COBL: variants seen among roughly 807,000 people sequenced by gnomAD.
The protein encoded by COBL is cordon-bleu WH2 repeat protein.
Under a neutral mutation model 98.8 loss-of-function variants are expected in COBL, and 51 were observed. The observed-to-expected ratio is 0.52, with a 90% confidence interval of 0.41 to 0.65. The LOEUF is 0.65. COBL is among the 30% of genes least tolerant of loss of function. The probability of loss-of-function intolerance (pLI) is 0.00; values close to 1 mark genes in which losing one functional copy is unlikely to be tolerated. For synonymous variants in COBL, 634 were observed against 651.7 expected, an observed-to-expected ratio of 0.97 and a Z score of 0.41; for missense variants, 1,617 against 1,617.5, an observed-to-expected ratio of 1.00 and a Z score of 0.01.
intron 6 of COBL, among the ~76,000 whole-genome samples, chr7:51,124,847 G>A (rs1798060300): frequency 6.6e-6 from 1 of 151,794 alleles, no homozygotes; most frequent in Non-Finnish European, 1.5e-5. Flanking sequence ...CTTTGACAGA[G>A]TCTCACTCTA....
chr7:51,132,047 T>C (rs1195263021), intron 6 of COBL, among the ~76,000 whole-genome samples: 2 of 152,240 alleles, frequency 1.3e-5, no homozygotes, highest in African/African-American at 4.8e-5. Context: ...CTGGTATTGT[T>C]TAACAGAATG....
chr7:51,256,120 A>G (rs966414639), intron 1 of COBL, among the ~76,000 whole-genome samples: 4 of 152,152 alleles, frequency 2.6e-5, no homozygotes, highest in Admixed American at 2.0e-4. Context: ...CTGTCGTAGC[A>G]GCTGCACTAT....
chr7:51,274,041 G>T (rs1799046715), intron 1 of COBL, among the ~76,000 whole-genome samples: 1 of 152,018 alleles, frequency 6.6e-6, no homozygotes, highest in Non-Finnish European at 1.5e-5. Flanking sequence ...TAGACCACAG[G>T]ACATCGTAGC....
chr7:51,234,135 T>A (rs1429257649), intron 1 of COBL, among the ~76,000 whole-genome samples: 1 of 152,208 alleles, frequency 6.6e-6, no homozygotes, highest in Non-Finnish European at 1.5e-5. Context: ...AGCTAAGTGT[T>A]GGGTACCTTT....
At chr7:51,292,955 T>C (rs1402354164) in intron 1 of COBL, among the ~76,000 whole-genome samples, 2 of 152,174 alleles carry the variant, frequency 1.3e-5, no homozygotes, top group African/African-American at 2.4e-5. Flanking sequence ...AATGACAGAA[T>C]TGAAGGAATA....
intron 6 of COBL, among the ~76,000 whole-genome samples, chr7:51,097,382 C>T (rs931432316): frequency 2.6e-5 from 4 of 151,976 alleles, no homozygotes; most frequent in African/African-American, 9.7e-5. Flanking sequence ...CTCTTTAAGA[C>T]GAGGAAGAAG....
rs1315235226 is a variant in COBL, at chr7:51,028,536, C to T, written c.2560G>A (p.Val854Ile). ...VRVPAAHTTE[V>I]TFLKPQRRTS... ...CTTCTCTGAGGCTTGAGAAATGTGACTTCTGTGGTGTGAGCTGCTGGCACC... is the reference window on the plus strand; with the variant it reads ...CTTCTCTGAGGCTTGAGAAATGTGATTTCTGTGGTGTGAGCTGCTGGCACC... Residue 854 changes from valine (V) to isoleucine (I), a missense_variant, in exon 10 of 13, where the codon GTC becomes ATC. Transcript: ENST00000265136. 8 of 1,614,168 alleles carry T rather than the reference C, an allele frequency of 5.0e-6. No homozygotes were observed. The highest frequency in any genetic ancestry group is 1.6e-4 in the Middle Eastern group (1 of 6,084).
intron 7 of COBL, among the ~76,000 whole-genome samples, chr7:51,054,762 G>A (rs557291444): frequency 6.6e-6 from 1 of 152,306 alleles, no homozygotes; most frequent in Non-Finnish European, 1.5e-5. Flanking sequence ...GCTTGGCTAC[G>A]CATTTACAAT....
chr7:51,306,690 G>A (rs369239663), intron 1 of COBL, among the ~76,000 whole-genome samples: 7 of 152,204 alleles, frequency 4.6e-5, no homozygotes, highest in East Asian at 1.9e-4. Flanking sequence ...CACACACCAC[G>A]TATTTCTTTG....
At chr7:51,286,615 T>C (rs1800393805) in intron 1 of COBL, among the ~76,000 whole-genome samples, 1 of 152,098 alleles carries the variant, frequency 6.6e-6, no homozygotes, top group African/African-American at 2.4e-5. Flanking sequence ...AAATAACAGA[T>C]GTTGGTGAGA....
At chr7:51,244,853 C>T (rs1393982759) in intron 1 of COBL, among the ~76,000 whole-genome samples, 2 of 152,210 alleles carry the variant, frequency 1.3e-5, no homozygotes, top group Non-Finnish European at 2.9e-5. Context: ...CCTCTGTCTG[C>T]AGAGACCCCA....
At chr7:51,141,531 T>A (rs1799747455) in intron 5 of COBL, among the ~76,000 whole-genome samples, 1 of 152,046 alleles carries the variant, frequency 6.6e-6, no homozygotes, top group Non-Finnish European at 1.5e-5. Flanking sequence ...AGCTCCCTAG[T>A]GATAGAATAA....
rs180680169 is a variant in COBL at position 51,303,352 on chromosome 7, G to A, written c.41+13241C>T. Among the ~76,000 whole-genome samples, 926 of 152,258 alleles carry A rather than the reference G, an allele frequency of 6.1e-3. 15 individuals carry two copies. Among genetic ancestry groups the A allele is most frequent in the African/African-American group, 0.021 (873 of 41,540 alleles). On this transcript the variant is annotated intron_variant, in intron 1 of 12. Transcript: ENST00000265136. ...AAGGCGGCCAGATTGCCTGACTCAG[G>A]AGCTCAAGACCAGCAAAACCCATCT...
rs756402169 is a variant in COBL, at chr7:51,171,523, G to T, written c.783+12579C>A. Among the ~76,000 whole-genome samples the T allele has an allele frequency of 5.6e-4, 85 of 152,180 alleles. 2 individuals are homozygous for T. Among genetic ancestry groups the T allele is most frequent in the Non-Finnish European group, 1.2e-4 (8 of 67,984 alleles). Reference sequence around the variant, plus strand: ...GAACCTTTTCTTATCAGTAAATCACGTTCAAACACAATGGATACATGAAAT... The same window carrying T: ...GAACCTTTTCTTATCAGTAAATCACTTTCAAACACAATGGATACATGAAAT... On this transcript the variant is annotated intron_variant, in intron 5 of 12. Coordinates refer to ENST00000265136, the MANE Select transcript of COBL (RefSeq NM_015198.5).
chr7:51,083,143 G>A (rs1394482888), intron 7 of COBL: 3 of 1,508,250 alleles, frequency 2.0e-6, no homozygotes, highest in Non-Finnish European at 2.7e-6. Context: ...CGGGAGGAGG[G>A]TAGGGCGGGG....
At chr7:51,300,455 C>G (rs1002846918) in intron 1 of COBL, among the ~76,000 whole-genome samples, 1 of 152,170 alleles carries the variant, frequency 6.6e-6, no homozygotes, top group Non-Finnish European at 1.5e-5. Context: ...GCCACCATAC[C>G]TGGCCGAAAC....
intron 1 of COBL, among the ~76,000 whole-genome samples, chr7:51,225,179 T>C (rs1458324200): frequency 1.3e-5 from 2 of 152,206 alleles, no homozygotes; most frequent in Non-Finnish European, 2.9e-5. Context: ...CCTCTGCCTG[T>C]GAGTGGCTCA....
intron 6 of COBL, among the ~76,000 whole-genome samples, chr7:51,123,409 G>A (rs1797920502): frequency 6.6e-6 from 1 of 152,184 alleles, no homozygotes; most frequent in Non-Finnish European, 1.5e-5. Flanking sequence ...CAAGAGCCTT[G>A]TATCCCTTGT....
At chr7:51,266,656 G>A (rs998271675) in intron 1 of COBL, among the ~76,000 whole-genome samples, 1 of 152,170 alleles carries the variant, frequency 6.6e-6, no homozygotes, top group South Asian at 2.1e-4. Flanking sequence ...GCTGCTGCTT[G>A]CAAGTACTTC....
Sources: gnomAD v4.1 joint callset for allele counts (sites outside exome capture counted in the v4.1 genomes callset) on GRCh38, gnomAD v4.1.1 for gene constraint, MANE v1.5 for transcripts, NCBI Gene and HGNC (gene_info 2026-07-23, HGNC 2026-07-21) for gene names.